Variants in HYDIN observed in about 807,000 individuals in gnomAD.
The protein encoded by HYDIN is HYDIN axonemal central pair apparatus protein, also known as axonemal central pair apparatus protein HYDIN.
HYDIN carries 132 observed loss-of-function variants against 403.9 expected under a neutral mutation model. That is an observed-to-expected ratio of 0.33 (90% confidence interval 0.28 to 0.38). The LOEUF is 0.38. Ranked by LOEUF, HYDIN falls within the 10% of genes least tolerant of loss-of-function variation. The pLI is 1.00. For synonymous variants in HYDIN, 1,202 were observed against 1,891.7 expected (o/e 0.64, Z 9.46); for missense variants, 2,827 against 5,009.5 (o/e 0.56, Z 13.15).
At chr16:70,945,637 G>C (rs1395021543) in intron 41 of HYDIN, among the ~76,000 whole-genome samples, 2 of 152,238 alleles carry the variant, frequency 1.3e-5, no homozygotes, top group Non-Finnish European at 2.9e-5. Context: ...TTTGGAGATT[G>C]AGAAGCTGGG....
chr16:70,934,257 C>T (rs893908383), intron 45 of HYDIN, among the ~76,000 whole-genome samples: 6 of 151,850 alleles, frequency 4.0e-5, no homozygotes, highest in African/African-American at 1.5e-4. Flanking sequence ...CGAGGCAAAG[C>T]CAGCAAGTGG....
rs2083509968 is a variant in HYDIN at position 71,103,248 on chromosome 16, T to C, written c.1328-9313A>G. Among the ~76,000 whole-genome samples, 3 of 35,032 alleles carry C rather than the reference T, an allele frequency of 8.6e-5. 1 individual carries two copies. In the South Asian group the frequency reaches 1.9e-3, roughly 23 times the overall value. 23.0% of individuals were successfully genotyped at this position (35,032 alleles called of 152,430 possible). On this transcript the variant is annotated intron_variant, in intron 10 of 85. Transcript: ENST00000393567. ...GGATTAAGAAGCCCCACAGATAAAC[T>C]CACCTAAATTCTCTAAGCTTTAGCC...
intron 45 of HYDIN, among the ~76,000 whole-genome samples, chr16:70,926,338 A>G (rs552789506): frequency 1.3e-5 from 2 of 152,054 alleles, no homozygotes; most frequent in Non-Finnish European, 2.9e-5. Context: ...GGAAATCATC[A>G]TTCTCAGTAA....
At chr16:71,000,218 A>G (rs2079658400) in intron 23 of HYDIN, among the ~76,000 whole-genome samples, 1 of 152,144 alleles carries the variant, frequency 6.6e-6, no homozygotes. Flanking sequence ...ATGTACTGAT[A>G]GTTTCCGCTG....
At chr16:71,183,206 T>TA (rs1405009068) in intron 3 of HYDIN, among the ~76,000 whole-genome samples, 1 of 151,764 alleles carries the variant, frequency 6.6e-6, no homozygotes, top group Non-Finnish European at 1.5e-5. Flanking sequence ...TCTGGTCTGG[T>TA]AAAAAATGAA....
At chr16:70,921,962 C>T (rs921225257) in intron 45 of HYDIN, among the ~76,000 whole-genome samples, 3 of 152,314 alleles carry the variant, frequency 2.0e-5, no homozygotes, top group Admixed American at 6.5e-5. Context: ...ATGAAATCCT[C>T]GGGTAGGCTC....
At chr16:71,010,301 C>T (rs189907477) in intron 23 of HYDIN, among the ~76,000 whole-genome samples, 104 of 152,258 alleles carry the variant, frequency 6.8e-4, no homozygotes, top group Non-Finnish European at 1.1e-3. Flanking sequence ...GAGCTCACAG[C>T]GTTCTGAGAG....
At chr16:70,949,382 A>G (rs2077988333) in intron 41 of HYDIN, among the ~76,000 whole-genome samples, 1 of 151,776 alleles carries the variant, frequency 6.6e-6, no homozygotes, top group South Asian at 2.1e-4. Context: ...TGGGTGCAGC[A>G]CACCAGCATG....
intron 28 of HYDIN, chr16:70,984,975 T>A (rs2079146276): frequency 6.0e-6 from 3 of 503,142 alleles, no homozygotes. Context: ...GTATCCCTGG[T>A]GCCTGGAAAC....
At chr16:70,842,677 C>A (rs1192439933) in intron 75 of HYDIN, among the ~76,000 whole-genome samples, 4 of 151,632 alleles carry the variant, frequency 2.6e-5, no homozygotes, top group Admixed American at 6.6e-5. Flanking sequence ...CATTATTCTG[C>A]CAATTTTTAT....
chr16:70,965,114 C>T (rs1387615631), intron 36 of HYDIN, among the ~76,000 whole-genome samples: 4 of 151,594 alleles, frequency 2.6e-5, no homozygotes, highest in African/African-American at 9.7e-5. Context: ...TTATTTTGCT[C>T]CATTTCAGCC....
chr16:71,092,376 AC>A (rs377648500), intron 11 of HYDIN, among the ~76,000 whole-genome samples: 3 of 152,104 alleles, frequency 2.0e-5, no homozygotes, highest in African/African-American at 7.2e-5. Context: ...CTCACTAGAA[AC>A]CTTTGTTTTG....
At chr16:71,106,011 T>C (rs1458706078) in intron 10 of HYDIN, among the ~76,000 whole-genome samples, 1 of 151,668 alleles carries the variant, frequency 6.6e-6, no homozygotes, top group East Asian at 1.9e-4. Flanking sequence ...CTTTTCATGA[T>C]GTTATATTTG....
intron 73 of HYDIN, among the ~76,000 whole-genome samples, chr16:70,853,274 G>A (rs1469348642): frequency 2.0e-5 from 3 of 151,886 alleles, no homozygotes; most frequent in Admixed American, 6.6e-5. Flanking sequence ...ATGTAAAATG[G>A]TTCAGCCAGT....
intron 47 of HYDIN, among the ~76,000 whole-genome samples, chr16:70,914,601 T>C (rs891310230): frequency 2.3e-5 from 3 of 128,494 alleles, no homozygotes; most frequent in Non-Finnish European, 5.0e-5. Flanking sequence ...AATAAGCTGA[T>C]GACAATGTGC....
intron 1 of HYDIN, among the ~76,000 whole-genome samples, chr16:71,225,534 C>T (rs759542014): frequency 2.0e-4 from 30 of 152,214 alleles, no homozygotes; most frequent in Middle Eastern, 6.8e-3. Flanking sequence ...GAATCCCAAC[C>T]GGCCCTATCT....
At chr16:71,067,086 A>G (rs2082296881) in intron 15 of HYDIN, 3 of 606,666 alleles carry the variant, frequency 4.9e-6, no homozygotes. Flanking sequence ...TCTACAAAAC[A>G]CACACACTTC....
At chr16:70,990,391 C>T (rs1457435845) in intron 25 of HYDIN, among the ~76,000 whole-genome samples, 1 of 61,458 alleles carries the variant, frequency 1.6e-5, no homozygotes, top group East Asian at 4.6e-4. Flanking sequence ...TGAGACTCTG[C>T]CTCAAAAAAA....
chr16:70,954,328 G>A (rs1412401576), intron 40 of HYDIN, among the ~76,000 whole-genome samples: 1 of 117,114 alleles, frequency 8.5e-6, no homozygotes, highest in African/African-American at 3.3e-5. Flanking sequence ...GCATGGTGGT[G>A]CATGTCTGTA....
Sources: allele counts gnomAD v4.1 joint callset (sites outside exome capture counted in the v4.1 genomes callset), GRCh38; gene constraint gnomAD v4.1.1; transcripts MANE v1.5; gene names NCBI Gene and HGNC (gene_info 2026-07-23, HGNC 2026-07-21).